Variants in AIM2 observed in about 807,000 individuals in gnomAD.
AIM2 encodes the protein interferon-inducible protein AIM2.
A neutral mutation model predicts 27.7 loss-of-function variants in AIM2; 30 were observed. The ratio of observed to expected loss-of-function variants is 1.08; its 90% CI spans 0.81 to 1.47. The LOEUF (loss-of-function observed/expected upper bound fraction) is 1.47, where lower values mean the gene tolerates loss of function less well. AIM2 is among the 40% of genes most tolerant of loss of function. The probability of loss-of-function intolerance (pLI) is 0.00; values close to 1 mark genes in which losing one functional copy is unlikely to be tolerated. For missense variants in AIM2, 358 were observed against 411.3 expected (o/e 0.87, Z 1.12); for synonymous variants, 141 against 145.3 (o/e 0.97, Z 0.21).
intron 1 of AIM2, among the ~76,000 whole-genome samples, chr1:159,100,058 C>G (rs889065609): frequency 6.6e-6 from 1 of 152,224 alleles, no homozygotes; most frequent in Non-Finnish European, 1.5e-5. Context: ...AATAAGTGAA[C>G]TGGCAGATAA....
At chr1:159,102,383 G>C (rs1412174111) in intron 1 of AIM2, among the ~76,000 whole-genome samples, 1 of 152,258 alleles carries the variant, frequency 6.6e-6, no homozygotes, top group Non-Finnish European at 1.5e-5. Context: ...TGCTAGGGCA[G>C]TGTGGAAGGG....
chr1:159,066,001 A>G lies in AIM2; in HGVS notation c.725T>C (p.Ile242Thr). Reference sequence around the variant, plus strand: ...CGGGGTTTCACCAGCTTTTCTGATAATGTTCAGCGGGACATTAACCTTTTG... The same window carrying G: ...CGGGGTTTCACCAGCTTTTCTGATAGTGTTCAGCGGGACATTAACCTTTTG... Reference protein sequence around the residue: ...SDQKVNVPLNIIRKAGETPKI... With the variant: ...SDQKVNVPLNTIRKAGETPKI... Residue 242 changes from isoleucine to threonine, a missense_variant, in exon 4 of 6, where the codon ATT becomes ACT. Transcript: ENST00000368130. The G allele has an allele frequency of 6.2e-7, 1 of 1,614,140 alleles. No homozygotes were observed. The highest frequency in any genetic ancestry group is 8.5e-7 in the Non-Finnish European group (1 of 1,180,030).
intron 1 of AIM2, among the ~76,000 whole-genome samples, chr1:159,084,878 G>A (rs948450586): frequency 6.6e-6 from 1 of 150,728 alleles, no homozygotes; most frequent in African/African-American, 2.4e-5. Context: ...AAGGAACAAG[G>A]TCAAGACTAA....
At chr1:159,072,764 G>A (rs186925519) in intron 2 of AIM2, among the ~76,000 whole-genome samples, 2 of 152,332 alleles carry the variant, frequency 1.3e-5, no homozygotes, top group East Asian at 3.9e-4. Context: ...ACCACAGAAA[G>A]CTGGGGACAA....
intron 1 of AIM2, chr1:159,122,294 C>G (rs1235628913): frequency 1.3e-5 from 2 of 152,240 alleles, no homozygotes; most frequent in African/African-American, 2.4e-5. Flanking sequence ...AGCAGTGACT[C>G]AGACACAGTT....
At chr1:159,095,470 C>T (rs1360371384) in intron 1 of AIM2, among the ~76,000 whole-genome samples, 1 of 152,168 alleles carries the variant, frequency 6.6e-6, no homozygotes, top group African/African-American at 2.4e-5. Context: ...GACCTTGTAT[C>T]TGCCACCCGG....
chr1:159,095,967 C>A (rs1056660311), intron 1 of AIM2, among the ~76,000 whole-genome samples: 1 of 152,152 alleles, frequency 6.6e-6, no homozygotes. Flanking sequence ...TATATTAAAT[C>A]TCAATAAAAT....
At chr1:159,124,426 A>G (rs1647631044) in intron 1 of AIM2, among the ~76,000 whole-genome samples, 1 of 152,234 alleles carries the variant, frequency 6.6e-6, no homozygotes, top group Admixed American at 6.5e-5. Context: ...CTTTCTGGAA[A>G]AAGCGTCCTA....
At chr1:159,115,366 G>A (rs888190305) in intron 1 of AIM2, among the ~76,000 whole-genome samples, 3 of 152,046 alleles carry the variant, frequency 2.0e-5, no homozygotes, top group Non-Finnish European at 2.9e-5. Context: ...AAAGGAGCCC[G>A]CATCACCAAG....
chr1:159,109,479 C>A (rs991988309), intron 1 of AIM2, among the ~76,000 whole-genome samples: 11 of 152,262 alleles, frequency 7.2e-5, no homozygotes, highest in Admixed American at 1.3e-4. Flanking sequence ...TTGGAAAAAA[C>A]CCTTCTAGAC....
intron 4 of AIM2, among the ~76,000 whole-genome samples, chr1:159,064,151 T>C (rs1408194316): frequency 6.6e-6 from 1 of 152,236 alleles, no homozygotes; most frequent in Non-Finnish European, 1.5e-5. Flanking sequence ...GATTATCAAC[T>C]GCTCAGGGTC....
chr1:159,138,967 G>T (rs1648063047), intron 1 of AIM2, among the ~76,000 whole-genome samples: 1 of 152,156 alleles, frequency 6.6e-6, no homozygotes, highest in Non-Finnish European at 1.5e-5. Context: ...CAGTAATTAT[G>T]ATATTCATAA....
chr1:159,059,768 T>C (rs1161348993), downstream of AIM2, among the ~76,000 whole-genome samples: 1 of 152,198 alleles, frequency 6.6e-6, no homozygotes, highest in African/African-American at 2.4e-5. Context: ...GGACAATCTA[T>C]CTTTAAATGA....
At position 159,084,808 on chromosome 1, in the gene AIM2, CACACACATACAG is replaced by C. The variant is rs1432472904; in HGVS notation, c.-15-18491_-15-18480del. Among the ~76,000 whole-genome samples the C allele has an allele frequency of 5.3e-3, 795 of 148,646 alleles. 8 individuals carry two copies. Among genetic ancestry groups the C allele is most frequent in the African/African-American group, 0.017 (688 of 39,552 alleles). Reference sequence around the variant, plus strand: ...ACACACACACACACACACACACACACACACACATACAGACACACACACACATCCCTCAGAGAT... The same window carrying C: ...ACACACACACACACACACACACACACACACACACACACATCCCTCAGAGAT... On this transcript the variant is annotated intron_variant, in intron 1 of 2. Coordinates refer to the AIM2 transcript ENST00000368129.
chr1:159,096,515 T>A (rs928416985), intron 1 of AIM2, among the ~76,000 whole-genome samples: 1 of 152,190 alleles, frequency 6.6e-6, no homozygotes, highest in African/African-American at 2.4e-5. Context: ...TTAAAAATTT[T>A]ATGGATTTTG....
chr1:159,142,245 A>G (rs1648127193), upstream of AIM2, among the ~76,000 whole-genome samples: 1 of 152,202 alleles, frequency 6.6e-6, no homozygotes, highest in Admixed American at 6.5e-5. Context: ...TCTGGTTCTC[A>G]GCAATAAGAA....
rs979359745 is a variant in AIM2 at position 159,068,468 on chromosome 1, T to A, written c.396+100A>T. 9.6e-6 allele frequency: 14 copies of A among 1,454,784 alleles called. No homozygotes were observed. The African/African-American group carries it at 1.9e-4, about 19-fold the overall frequency. The allele number at this position is 1,454,784 out of a possible 1,614,324, so 90.1% of individuals were successfully genotyped here. A position where few individuals can be genotyped will look rare whatever the true frequency, so the allele number is the denominator to read the frequency against. ...TCATGCTGTGGCCTTGCTTCCCTTATTTGCATGCTGTGAGATAAAGAACAG... is the reference window on the plus strand; with the variant it reads ...TCATGCTGTGGCCTTGCTTCCCTTAATTGCATGCTGTGAGATAAAGAACAG... On this transcript the variant is annotated intron_variant, in intron 3 of 5. Coordinates refer to ENST00000368130, the MANE Select transcript of AIM2 (RefSeq NM_004833.3).
intron 1 of AIM2, among the ~76,000 whole-genome samples, chr1:159,106,116 G>A (rs565430910): frequency 6.6e-6 from 1 of 152,290 alleles, no homozygotes; most frequent in African/African-American, 2.4e-5. Flanking sequence ...GTGAGAGCAG[G>A]CACTTCTGAG....
downstream of AIM2, among the ~76,000 whole-genome samples, chr1:159,060,405 T>C (rs1203767976): frequency 6.6e-6 from 1 of 152,234 alleles, no homozygotes; most frequent in African/African-American, 2.4e-5. Context: ...ACCTGATGCA[T>C]GTTTTCCATG....
Sources: allele counts gnomAD v4.1 joint callset (sites outside exome capture counted in the v4.1 genomes callset), GRCh38; gene constraint gnomAD v4.1.1; transcripts MANE v1.5; gene names NCBI Gene and HGNC (gene_info 2026-07-23, HGNC 2026-07-21).